Variants in ANKFN1 observed in about 807,000 individuals in gnomAD.
ANKFN1 encodes ankyrin repeat and fibronectin type III domain containing 1.
Under a neutral mutation model 108.7 loss-of-function variants are expected in ANKFN1, and 74 were observed. The ratio of observed to expected loss-of-function variants is 0.68; its 90% CI spans 0.56 to 0.83. The LOEUF (loss-of-function observed/expected upper bound fraction) is 0.83, where lower values mean the gene tolerates loss of function less well. ANKFN1 is among the 40% of genes least tolerant of loss of function. The probability of loss-of-function intolerance (pLI) is 0.00; values close to 1 mark genes in which losing one functional copy is unlikely to be tolerated. For missense variants in ANKFN1, 1,505 were observed against 1,382.3 expected (o/e 1.09, Z -1.41); for synonymous variants, 547 against 516.2 (o/e 1.06, Z -0.81).
At chr17:56,275,052 T>C (rs972137379) in intron 3 of ANKFN1, among the ~76,000 whole-genome samples, 3 of 152,202 alleles carry the variant, frequency 2.0e-5, no homozygotes, top group African/African-American at 7.2e-5. Flanking sequence ...CTCCTCGTTT[T>C]TACTGGCTAG....
At chr17:56,257,544 C>T (rs1489714696) in intron 3 of ANKFN1, among the ~76,000 whole-genome samples, 1 of 152,172 alleles carries the variant, frequency 6.6e-6, no homozygotes, top group East Asian at 1.9e-4. Flanking sequence ...CCACACCAAA[C>T]TTAGCTTCTC....
chr17:56,314,856 G>A (rs2045152714), intron 3 of ANKFN1, among the ~76,000 whole-genome samples: 3 of 152,120 alleles, frequency 2.0e-5, no homozygotes, highest in South Asian at 4.1e-4. Flanking sequence ...GTAGACAAAA[G>A]AAGACATGAA....
intron 8 of ANKFN1, among the ~76,000 whole-genome samples, chr17:56,383,851 C>A (rs1408905962): frequency 6.6e-6 from 1 of 151,748 alleles, no homozygotes; most frequent in East Asian, 1.9e-4. Context: ...ACTTACCAAC[C>A]AAAGAGTCCA....
At chr17:56,283,768 A>G (rs986606007) in intron 3 of ANKFN1, among the ~76,000 whole-genome samples, 1 of 151,796 alleles carries the variant, frequency 6.6e-6, no homozygotes, top group South Asian at 2.1e-4. Flanking sequence ...GAGGGATAAA[A>G]CTCTACAAAT....
chr17:56,124,768 C>T (rs1015903095), intron 4 of ANKFN1, among the ~76,000 whole-genome samples: 1 of 152,208 alleles, frequency 6.6e-6, no homozygotes, highest in Admixed American at 6.5e-5. Context: ...GAGTAACAGG[C>T]CTGCCTTTGG....
At chr17:56,174,725 T>C (rs1910976062) in intron 1 of ANKFN1, among the ~76,000 whole-genome samples, 1 of 152,164 alleles carries the variant, frequency 6.6e-6, no homozygotes. Context: ...GACTCCCACG[T>C]CAGAGAATAA....
At chr17:56,169,760 AAC>A (rs1015470427) in intron 1 of ANKFN1, among the ~76,000 whole-genome samples, 1 of 152,180 alleles carries the variant, frequency 6.6e-6, no homozygotes, top group Admixed American at 6.5e-5. Context: ...AGATGTTAAT[AAC>A]ACATCATGGC....
chr17:56,437,899 G>A lies in ANKFN1; in HGVS notation c.911-2428G>A, dbSNP rs921652083. ...TATAACATGCCTGAGAGTTTCAAGG[G>A]GCAAGAAACTAGAAAAGGAGAAGAT... is the stretch of plus-strand genomic sequence containing the variant. On this transcript the variant is annotated intron_variant, in intron 8 of 20. Coordinates refer to ENST00000682825, the MANE Select transcript of ANKFN1 (RefSeq NM_001370326.1). 2.0e-5 allele frequency among the ~76,000 whole-genome samples: 3 copies of A among 151,410 alleles called. No individual in the cohort carries two copies. In the East Asian group the frequency reaches 5.8e-4, roughly 29 times the overall value.
rs190401616 is a variant in ANKFN1, at chr17:56,321,048, G to T, written c.54-5173G>T. Reference sequence around the variant, plus strand: ...GAACTAGCATGCCCGTGAGCAGTCTGCATCTTTTCTTTAGGAAAAAAAAAA... The same window carrying T: ...GAACTAGCATGCCCGTGAGCAGTCTTCATCTTTTCTTTAGGAAAAAAAAAA... On this transcript the variant is annotated intron_variant, in intron 3 of 20. Transcript: ENST00000682825. 2.6e-3 allele frequency among the ~76,000 whole-genome samples: 367 copies of T among 143,522 alleles called. 8 individuals are homozygous for T. The highest frequency in any genetic ancestry group is 9.2e-3 in the African/African-American group (349 of 37,790). 94.2% of individuals were successfully genotyped at this position (143,522 alleles called of 152,430 possible).
chr17:56,386,293 G>T (rs1400552459), intron 8 of ANKFN1, among the ~76,000 whole-genome samples: 1 of 151,980 alleles, frequency 6.6e-6, no homozygotes, highest in African/African-American at 2.4e-5. Flanking sequence ...GACGCAGGAA[G>T]GGGAACATCA....
In ANKFN1 at chr17:56,285,491, T is replaced by A. The variant is rs184246730; in HGVS notation, c.54-40730T>A. 2.0e-4 allele frequency among the ~76,000 whole-genome samples: 30 copies of A among 152,302 alleles called. No homozygotes were observed. In the East Asian group the frequency reaches 5.2e-3, roughly 26 times the overall value. On this transcript the variant is annotated intron_variant, in intron 3 of 20. Transcript: ENST00000682825. ...ATTCCACTTCTTGTTAAGGAGTTTC[T>A]CAAAAGAAAATGGATGTAGATGCAA...
intron 4 of ANKFN1, among the ~76,000 whole-genome samples, chr17:56,338,347 A>T (rs891343365): frequency 6.6e-5 from 10 of 152,142 alleles, no homozygotes; most frequent in Non-Finnish European, 1.3e-4. Context: ...GAAGTACCTA[A>T]TGTAAATGAT....
At chr17:56,495,313 G>GTCTCTCTCTCTCTC (rs150627971) in intron 19 of ANKFN1, among the ~76,000 whole-genome samples, 144 of 147,570 alleles carry the variant, frequency 9.8e-4, no homozygotes, top group Admixed American at 1.6e-3. Context: ...TGACTTTGTG[G>GTCTCTCTCTCTCTC]TCTCTCTCTC....
At chr17:56,142,025 G>T (rs1907956707) in intron 4 of ANKFN1, among the ~76,000 whole-genome samples, 1 of 148,234 alleles carries the variant, frequency 6.7e-6, no homozygotes, top group East Asian at 2.0e-4. Context: ...CTGCCTCCCA[G>T]GTTCCAGTGA....
At chr17:56,425,269 G>C (rs1361706584) in intron 8 of ANKFN1, among the ~76,000 whole-genome samples, 5 of 152,132 alleles carry the variant, frequency 3.3e-5, no homozygotes, top group African/African-American at 1.2e-4. Flanking sequence ...GTTTTGGTGG[G>C]TAACAGGAAG....
chr17:56,444,587 C>T (rs907470236), intron 10 of ANKFN1, among the ~76,000 whole-genome samples: 2 of 152,150 alleles, frequency 1.3e-5, no homozygotes, highest in African/African-American at 4.8e-5. Context: ...TCTCTATCAG[C>T]ATTGGAGATA....
At chr17:56,362,683 C>T (rs7226239) in intron 6 of ANKFN1, among the ~76,000 whole-genome samples, 39 of 151,978 alleles carry the variant, frequency 2.6e-4, no homozygotes, top group Non-Finnish European at 1.5e-4. Flanking sequence ...ACATGACATT[C>T]GTCCAGGCAA....
rs773098350 is a variant in ANKFN1, at chr17:56,513,963, C to G, written c.*2694C>G. On this transcript the variant is annotated 3_prime_UTR_variant, in exon 21 of 21. Coordinates refer to ENST00000682825, the MANE Select transcript of ANKFN1 (RefSeq NM_001370326.1). Reference sequence around the variant, plus strand: ...TAAATTAATACATTCTTGTGAGAGACAACTGTGTTCTCTAATTCACAGTCC... The same window carrying G: ...TAAATTAATACATTCTTGTGAGAGAGAACTGTGTTCTCTAATTCACAGTCC... Among the ~76,000 whole-genome samples the G allele has an allele frequency of 2.7e-4, 41 of 152,188 alleles. No individual in the cohort carries two copies. Among genetic ancestry groups the G allele is most frequent in the Non-Finnish European group, 5.9e-4 (40 of 68,022 alleles).
At chr17:56,372,084 A>C (rs780084976) in intron 6 of ANKFN1, among the ~76,000 whole-genome samples, 1 of 152,222 alleles carries the variant, frequency 6.6e-6, no homozygotes, top group Non-Finnish European at 1.5e-5. Flanking sequence ...TAAGCAATAA[A>C]TACATTGATT....
Sources: allele counts gnomAD v4.1 joint callset (sites outside exome capture counted in the v4.1 genomes callset), GRCh38; gene constraint gnomAD v4.1.1; transcripts MANE v1.5; gene names NCBI Gene and HGNC (gene_info 2026-07-23, HGNC 2026-07-21).